CACNA1H: variants seen among roughly 807,000 people sequenced by gnomAD.
The protein encoded by CACNA1H is voltage-dependent T-type calcium channel subunit alpha-1H.
CACNA1H carries 149 observed loss-of-function variants against 192.5 expected under a neutral mutation model. The observed-to-expected ratio is 0.77, with a 90% confidence interval of 0.68 to 0.89. CACNA1H has a LOEUF of 0.89. CACNA1H is among the 40% of genes least tolerant of loss of function. The pLI, the probability that CACNA1H is intolerant of heterozygous loss-of-function variation, is 0.00. For synonymous variants in CACNA1H, 2,202 were observed against 1,475.2 expected, an observed-to-expected ratio of 1.49 and a Z score of -11.29; for missense variants, 4,257 against 3,423.5, an observed-to-expected ratio of 1.24 and a Z score of -6.08.
At position 1,200,304 on chromosome 16, in the gene CACNA1H, CGAG is replaced by C. The variant is rs1567507566; in HGVS notation, c.856_858del (p.Glu286del). ...GGCCGTACTACCAGACGGAGGAGGG[CGAG>C]GAGAACCCGTTCATCTGCTCCTCAC... On this transcript the variant is annotated inframe_deletion, in exon 7 of 35. Transcript: ENST00000348261. 2.5e-6 allele frequency: 4 copies of C among 1,606,322 alleles called. No homozygotes were observed. The Admixed American group carries it at 6.7e-5, about 27-fold the overall frequency.
chr16:1,185,287 A>G (rs944905865), intron 2 of CACNA1H, among the ~76,000 whole-genome samples: 2 of 152,186 alleles, frequency 1.3e-5, no homozygotes, highest in African/African-American at 4.8e-5. Context: ...ATCACAGGCC[A>G]TCGGGGTCAG....
chr16:1,195,600 GAAGGGGCCCCGCC>G (rs1567495363), intron 4 of CACNA1H, 35 bp downstream of exon 4: 1 of 1,574,612 alleles, frequency 6.4e-7, no homozygotes. Context: ...CAGCGCTGGC[GAAGGGGCCCCGCC>G]CACCCCACAG....
At chr16:1,199,814 T>G (rs1349406715) in intron 6 of CACNA1H, among the ~76,000 whole-genome samples, 1 of 151,346 alleles carries the variant, frequency 6.6e-6, no homozygotes, top group East Asian at 2.0e-4. Context: ...CTGCCTCCTT[T>G]CCCTCACCCC....
At position 1,221,082 on chromosome 16, in the gene CACNA1H, C is replaced by CAAGTCAGGGTCCA; in HGVS notation, c.*88_*89insAAGTCAGGGTCCA. On this transcript the variant is annotated 3_prime_UTR_variant, in exon 35 of 35. Transcript: ENST00000348261. ...GCCCAGGCAGAACCCTGCATGGACC[C>CAAGTCAGGGTCCA]TGACTTGGGTCCCGTCGTGAGCAGA... The CAAGTCAGGGTCCA allele has an allele frequency of 3.9e-6, 4 of 1,030,792 alleles. No individual in the cohort carries two copies. Among genetic ancestry groups the CAAGTCAGGGTCCA allele is most frequent in the Non-Finnish European group, 4.2e-6 (3 of 719,920 alleles). The allele number at this position is 1,030,792 out of a possible 1,614,324, so 63.9% of individuals were successfully genotyped here.
intron 5 of CACNA1H, among the ~76,000 whole-genome samples, chr16:1,196,517 G>A (rs1966994460): frequency 2.0e-5 from 3 of 152,184 alleles, no homozygotes; most frequent in South Asian, 2.1e-4. Context: ...CTCCCCACCC[G>A]CCACTGCTTC....
At chr16:1,206,487 G>A in intron 12 of CACNA1H, 198 bp downstream of exon 12, 1 of 591,404 alleles carries the variant, frequency 1.7e-6, no homozygotes, top group Admixed American at 3.1e-5. Flanking sequence ...TAGACATGCA[G>A]GGAGTCAGAT....
chr16:1,176,254 CTAAT>C (rs1964877236), intron 2 of CACNA1H, among the ~76,000 whole-genome samples: 1 of 152,210 alleles, frequency 6.6e-6, no homozygotes, highest in Non-Finnish European at 1.5e-5. Context: ...GCTTGGAGCT[CTAAT>C]TAGTGCCCGA....
At chr16:1,193,340 G>C (rs1449471536) in intron 2 of CACNA1H, among the ~76,000 whole-genome samples, 4 of 152,370 alleles carry the variant, frequency 2.6e-5, no homozygotes. Context: ...ACTAGTGCCG[G>C]GTCAGGAGGC....
intron 17 of CACNA1H, among the ~76,000 whole-genome samples, chr16:1,209,797 T>C (rs1474646950): frequency 6.6e-6 from 1 of 152,050 alleles, no homozygotes; most frequent in East Asian, 1.9e-4. Flanking sequence ...CCCGCTCACC[T>C]GGCCCCGTGG....
intron 2 of CACNA1H, among the ~76,000 whole-genome samples, chr16:1,182,302 G>A (rs1026496748): frequency 3.9e-5 from 6 of 152,304 alleles, no homozygotes; most frequent in East Asian, 3.9e-4. Context: ...AGAGTCTCCC[G>A]AGGCCATTGC....
chr16:1,198,101 C>A (rs1399389995), intron 5 of CACNA1H, among the ~76,000 whole-genome samples: 1 of 152,094 alleles, frequency 6.6e-6, no homozygotes, highest in Admixed American at 6.5e-5. Context: ...GCTGCAGAGA[C>A]CCCCAGGAGG....
rs1242224134 is a variant in CACNA1H, at chr16:1,207,383, C to A, written c.3016C>A (p.Leu1006Ile). 1.2e-6 allele frequency: 2 copies of A among 1,613,328 alleles called. No homozygotes were observed. Among genetic ancestry groups the A allele is most frequent in the African/African-American group, 2.7e-5 (2 of 75,044 alleles). ...VALMTFGNYV[L>I]FNLLVAILVE... The stretch of plus-strand genomic sequence containing the variant: ...CCTCATGACCTTCGGCAACTATGTG[C>A]TCTTCAACCTGCTGGTGGCCATCCT... The change falls in exon 14 of 35, where the codon CTC (leucine) becomes ATC (isoleucine). Residue 1006 changes from leucine (L) to isoleucine (I), a missense_variant. By Grantham distance (5) the Leu-to-Ile change is conservative. Coordinates refer to ENST00000348261, the MANE Select transcript of CACNA1H (RefSeq NM_021098.3).
chr16:1,201,173 G>A (rs931465819), intron 8 of CACNA1H, among the ~76,000 whole-genome samples: 15 of 152,150 alleles, frequency 9.9e-5, no homozygotes, highest in African/African-American at 3.4e-4. Context: ...TAATCAGGCC[G>A]CAGACGTCTG....
chr16:1,217,639 G>A (rs558680256), intron 31 of CACNA1H, among the ~76,000 whole-genome samples: 180 of 152,286 alleles, frequency 1.2e-3, no homozygotes, highest in African/African-American at 3.9e-3. Flanking sequence ...CCCCCGCCAC[G>A]CGCAGTCACA....
At chr16:1,154,068 C>T (rs1169608944) in intron 2 of CACNA1H, 32 bp downstream of exon 2, 4 of 36,464 alleles carry the variant, frequency 1.1e-4, no homozygotes, top group Non-Finnish European at 1.6e-4. Context: ...GGGCGGGGGG[C>T]GGGGGGCGTG....
intron 2 of CACNA1H, among the ~76,000 whole-genome samples, chr16:1,190,977 G>A (rs1473696685): frequency 1.3e-5 from 2 of 148,242 alleles, no homozygotes; most frequent in Non-Finnish European, 3.0e-5. Flanking sequence ...GCACACTCGG[G>A]GTTTCGGTGA....
chr16:1,158,593 C>T (rs1241918428), intron 2 of CACNA1H, among the ~76,000 whole-genome samples: 3 of 152,194 alleles, frequency 2.0e-5, no homozygotes, highest in African/African-American at 7.2e-5. Context: ...CCCTCCGGGT[C>T]GGGGCTACCC....
At chr16:1,217,127 A>G (rs1970092917) in intron 31 of CACNA1H, 117 bp downstream of exon 31, 9 of 853,266 alleles carry the variant, frequency 1.1e-5, no homozygotes, top group Non-Finnish European at 1.6e-5. Flanking sequence ...GATCAGGGCC[A>G]CACGCCTCCT....
Position 1,220,727 on chromosome 16 carries a change from C to G in CACNA1H, c.6795C>G (p.Ser2265Arg). The change falls in exon 35 of 35, where the codon AGC (serine) becomes AGG (arginine). Residue 2265 changes from serine to arginine, a missense_variant. Ser to Arg is a moderately radical substitution (Grantham distance 110). Transcript: ENST00000348261. Reference sequence around the variant, plus strand: ...GGGCTGAGCACCTGACCGTCCCCAGCTTTGCCTTTGAGCCGCTGGACCTCG... The same window carrying G: ...GGGCTGAGCACCTGACCGTCCCCAGGTTTGCCTTTGAGCCGCTGGACCTCG... ...SCRAEHLTVPSFAFEPLDLGV... is the reference protein window; with the variant it reads ...SCRAEHLTVPRFAFEPLDLGV... 1 of 1,612,314 alleles carries G rather than the reference C, an allele frequency of 6.2e-7. No individual in the cohort carries two copies. The highest frequency in any genetic ancestry group is 8.5e-7 in the Non-Finnish European group (1 of 1,179,672).
Sources: allele counts gnomAD v4.1 joint callset (sites outside exome capture counted in the v4.1 genomes callset), GRCh38; gene constraint gnomAD v4.1.1; transcripts MANE v1.5; gene names NCBI Gene and HGNC (gene_info 2026-07-23, HGNC 2026-07-21).